AGAP1: variants seen among roughly 807,000 people sequenced by gnomAD.
The protein encoded by AGAP1 is ArfGAP with GTPase domain, ankyrin repeat and PH domain 1.
AGAP1 carries 29 observed loss-of-function variants against 105.3 expected under a neutral mutation model. The observed-to-expected ratio is 0.28, with a 90% confidence interval of 0.21 to 0.38. The LOEUF (loss-of-function observed/expected upper bound fraction) is 0.38. Among genes scored for constraint, AGAP1 ranks in the 10% least tolerant of loss-of-function variants. AGAP1 has a pLI of 1.00. For missense variants in AGAP1, 998 were observed against 1,165.1 expected (o/e 0.86, Z 2.09); for synonymous variants, 509 against 485.9 (o/e 1.05, Z -0.63).
chr2:236,097,676 C>T lies in AGAP1; in HGVS notation c.2115-22516C>T, dbSNP rs1330082835. On this transcript the variant is annotated intron_variant, in intron 16 of 17. Coordinates refer to ENST00000304032, the MANE Select transcript of AGAP1 (RefSeq NM_001037131.3). ...TTGGGAGGCCAAGGTGGGTGGATCA[C>T]GTGGTCAGGACATCTTAGCCAATTT... Among the ~76,000 whole-genome samples, 8 of 152,026 alleles carry T rather than the reference C, an allele frequency of 5.3e-5. No individual in the cohort carries two copies. In the East Asian group the frequency reaches 1.2e-3, roughly 22 times the overall value.
intron 16 of AGAP1, among the ~76,000 whole-genome samples, chr2:236,054,736 C>T (rs570779183): frequency 6.6e-6 from 1 of 152,290 alleles, no homozygotes; most frequent in Admixed American, 6.5e-5. Flanking sequence ...AGACTCTGAT[C>T]TCCCTGTCTG....
intron 11 of AGAP1, among the ~76,000 whole-genome samples, chr2:235,922,779 C>T (rs2052244045): frequency 6.6e-6 from 1 of 152,208 alleles, no homozygotes; most frequent in Non-Finnish European, 1.5e-5. Flanking sequence ...TCAGTTCAGG[C>T]AACATACTGA....
In AGAP1 at chr2:235,621,222, G is replaced by A. The variant is rs781591697; in HGVS notation, c.164-87957G>A. Among the ~76,000 whole-genome samples the A allele has an allele frequency of 2.0e-5, 3 of 152,082 alleles. No individual in the cohort carries two copies. Among genetic ancestry groups the A allele is most frequent in the African/African-American group, 4.8e-5 (2 of 41,422 alleles). On this transcript the variant is annotated intron_variant, in intron 1 of 17. Transcript: ENST00000304032. This position sits in a 1 kb window ranked among gnomAD's most constrained non-coding sequence, Gnocchi z 4.1. ...TTTTTAGTACAGATAGGGATTCACC[G>A]TGTTGGCCAGGGTGGTCTTGAACTC...
At chr2:235,782,269 G>A (rs78848579) in intron 6 of AGAP1, among the ~76,000 whole-genome samples, 1 of 139,200 alleles carries the variant, frequency 7.2e-6, no homozygotes, top group African/African-American at 2.7e-5. Context: ...TTTTTTTTTT[G>A]TATTTTTTCC....
intron 1 of AGAP1, among the ~76,000 whole-genome samples, chr2:235,537,965 A>C (rs559381620): frequency 4.1e-4 from 63 of 152,234 alleles, no homozygotes; most frequent in African/African-American, 9.1e-4. Context: ...TTTTGTACCA[A>C]CCGTACTAAG....
intron 1 of AGAP1, among the ~76,000 whole-genome samples, chr2:235,699,784 A>C (rs1041677307): frequency 6.6e-6 from 1 of 152,074 alleles, no homozygotes; most frequent in Non-Finnish European, 1.5e-5. Context: ...GGGTGTCTGC[A>C]CTCTCTACCA....
At chr2:235,571,105 A>G (rs1304850830) in intron 1 of AGAP1, among the ~76,000 whole-genome samples, 2 of 152,164 alleles carry the variant, frequency 1.3e-5, no homozygotes, top group African/African-American at 4.8e-5. Context: ...GCTGTGCCAC[A>G]CACTTGTAAA....
intron 13 of AGAP1, among the ~76,000 whole-genome samples, chr2:236,026,154 C>A (rs1335853234): frequency 1.3e-5 from 2 of 152,160 alleles, no homozygotes; most frequent in Non-Finnish European, 2.9e-5. Context: ...CCTGACAGGT[C>A]CCAGATAAGA....
At chr2:235,892,358 A>G (rs2050584975) in intron 10 of AGAP1, among the ~76,000 whole-genome samples, 1 of 152,166 alleles carries the variant, frequency 6.6e-6, no homozygotes, top group African/African-American at 2.4e-5. Context: ...CTCTCCTGCA[A>G]CACATAAACC....
At chr2:235,779,561 C>T (rs145656782) in intron 6 of AGAP1, among the ~76,000 whole-genome samples, 4 of 152,156 alleles carry the variant, frequency 2.6e-5, no homozygotes, top group African/African-American at 9.7e-5. Flanking sequence ...TTCAGCTCTG[C>T]GAGTCCAGAG....
chr2:235,805,400 C>T (rs940099275), intron 8 of AGAP1, among the ~76,000 whole-genome samples: 1 of 151,962 alleles, frequency 6.6e-6, no homozygotes, highest in African/African-American at 2.4e-5. Flanking sequence ...AGATGAGCTG[C>T]CTTGTTACAG....
rs1045508711 is a variant in AGAP1, at chr2:235,535,243, G to A, written c.163+40394G>A. 2.6e-5 allele frequency among the ~76,000 whole-genome samples: 4 copies of A among 152,138 alleles called. No homozygotes were observed. Among genetic ancestry groups the A allele is most frequent in the Admixed American group, 2.6e-4 (4 of 15,284 alleles). ...GACCCGATGGAGCAGGTTTCACAGTGCCCTCGCTGCTGCCTCCCGTTTCAT... is the reference window on the plus strand; with the variant it reads ...GACCCGATGGAGCAGGTTTCACAGTACCCTCGCTGCTGCCTCCCGTTTCAT... On this transcript the variant is annotated intron_variant, in intron 1 of 17. Coordinates refer to ENST00000304032, the MANE Select transcript of AGAP1 (RefSeq NM_001037131.3). The surrounding 1 kb of genome is among the most constrained non-coding windows in gnomAD (Gnocchi z 5.1).
At chr2:236,093,290 CT>C (rs2059111141) in intron 16 of AGAP1, among the ~76,000 whole-genome samples, 1 of 152,268 alleles carries the variant, frequency 6.6e-6, no homozygotes, top group Non-Finnish European at 1.5e-5. Flanking sequence ...GATATTCCAC[CT>C]CAAGGTGTCA....
intron 11 of AGAP1, among the ~76,000 whole-genome samples, chr2:235,916,960 T>C (rs1230871969): frequency 6.6e-6 from 1 of 152,228 alleles, no homozygotes; most frequent in African/African-American, 2.4e-5. Flanking sequence ...TGGATGTCCA[T>C]GGAGCTGTCT....
rs139992504 is a variant in AGAP1 at position 235,970,950 on chromosome 2, C to T, written c.1645+2327C>T. On this transcript the variant is annotated intron_variant, in intron 13 of 17. Transcript: ENST00000304032. This position sits in a 1 kb window ranked among gnomAD's most constrained non-coding sequence, Gnocchi z 5.4. ...GGGCCCCTTTCCTTAAAGGGTCTTA[C>T]TGCTGAGGTGGTAACACCAGCAGAA... is the stretch of plus-strand genomic sequence containing the variant. Among the ~76,000 whole-genome samples the T allele has an allele frequency of 9.7e-4, 147 of 152,308 alleles. No individual in the cohort carries two copies. The highest frequency in any genetic ancestry group is 3.4e-3 in the African/African-American group (142 of 41,560).
intron 9 of AGAP1, among the ~76,000 whole-genome samples, chr2:235,878,956 A>G (rs1361173359): frequency 2.0e-5 from 3 of 152,210 alleles, no homozygotes; most frequent in African/African-American, 7.2e-5. Context: ...GCTGAAGTTC[A>G]AGACCAAAAG....
chr2:235,778,337 A>G (rs540916596), intron 6 of AGAP1, among the ~76,000 whole-genome samples: 1 of 152,172 alleles, frequency 6.6e-6, no homozygotes, highest in Non-Finnish European at 1.5e-5. Context: ...TTCTTTGACC[A>G]GTGCAGCCAG....
chr2:235,658,684 TAC>T (rs1463937891), intron 1 of AGAP1, among the ~76,000 whole-genome samples: 1 of 152,128 alleles, frequency 6.6e-6, no homozygotes, highest in African/African-American at 2.4e-5. Context: ...AAGGAACAGC[TAC>T]CCAGCCTTTC....
Position 236,114,698 on chromosome 2 carries a change from T to C in AGAP1, c.2115-5494T>C, listed in dbSNP as rs1335297207. On this transcript the variant is annotated intron_variant, in intron 16 of 17. Coordinates refer to ENST00000304032, the MANE Select transcript of AGAP1 (RefSeq NM_001037131.3). This position sits in a 1 kb window ranked among gnomAD's most constrained non-coding sequence, Gnocchi z 5.0. ...TCCTCTTATACGGGCACCTGGCTTA[T>C]TGAATTAGGGCTCTATCTTTATAGC... is the stretch of plus-strand genomic sequence containing the variant. 2.0e-5 allele frequency among the ~76,000 whole-genome samples: 3 copies of C among 152,198 alleles called. No homozygotes were observed. The highest frequency in any genetic ancestry group is 6.5e-5 in the Admixed American group (1 of 15,282).
Sources: allele counts gnomAD v4.1 joint callset (sites outside exome capture counted in the v4.1 genomes callset), GRCh38; gene constraint gnomAD v4.1.1; non-coding constraint Gnocchi (gnomAD v3.1); transcripts MANE v1.5; gene names NCBI Gene and HGNC (gene_info 2026-07-23, HGNC 2026-07-21).